CMSS1: variants seen among roughly 807,000 people sequenced by gnomAD.
CMSS1 encodes the protein cms1 ribosomal small subunit homolog, also known as protein CMSS1.
In CMSS1, 33 loss-of-function variants were observed where a neutral mutation model predicts 43.5. The observed-to-expected ratio is 0.76, with a 90% CI of 0.57 to 1.01. CMSS1 has a LOEUF of 1.01. Among genes scored for constraint, CMSS1 ranks in the 50% least tolerant of loss-of-function variants. The probability of loss-of-function intolerance (pLI) is 0.00; values close to 1 mark genes in which losing one functional copy is unlikely to be tolerated. For synonymous variants in CMSS1, 115 were observed against 117.2 expected, an observed-to-expected ratio of 0.98 and a Z score of 0.12; for missense variants, 313 against 326.4, an observed-to-expected ratio of 0.96 and a Z score of 0.32.
At chr3:99,937,473 A>G (rs1225833026) in intron 1 of CMSS1, among the ~76,000 whole-genome samples, 1 of 152,246 alleles carries the variant, frequency 6.6e-6, no homozygotes, top group Non-Finnish European at 1.5e-5. Context: ...CTTAATAGAA[A>G]GAGTATGAGA....
chr3:99,968,171 T>C (rs1289372572), intron 1 of CMSS1, among the ~76,000 whole-genome samples: 1 of 152,150 alleles, frequency 6.6e-6, no homozygotes, highest in Non-Finnish European at 1.5e-5. Flanking sequence ...ATGAGACTTC[T>C]CCTAAAGTCT....
At chr3:100,021,592 A>T (rs1019129896) in intron 1 of CMSS1, among the ~76,000 whole-genome samples, 2 of 152,166 alleles carry the variant, frequency 1.3e-5, no homozygotes, top group African/African-American at 4.8e-5. Context: ...CTGTACTGTG[A>T]CCCCATTTTA....
chr3:99,946,188 A>C (rs1390351571), intron 1 of CMSS1, among the ~76,000 whole-genome samples: 1 of 152,218 alleles, frequency 6.6e-6, no homozygotes, highest in African/African-American at 2.4e-5. Flanking sequence ...GCATTTTAAA[A>C]AATTGGGTAT....
At chr3:99,974,149 G>A (rs1708901068) in intron 1 of CMSS1, among the ~76,000 whole-genome samples, 1 of 152,180 alleles carries the variant, frequency 6.6e-6, no homozygotes, top group South Asian at 2.1e-4. Context: ...CTAATTGCTT[G>A]TAGGTATTGG....
intron 1 of CMSS1, among the ~76,000 whole-genome samples, chr3:99,835,862 G>A (rs900479670): frequency 6.6e-6 from 1 of 152,190 alleles, no homozygotes; most frequent in Non-Finnish European, 1.5e-5. Context: ...TGACACATGA[G>A]GGATGAGTAG....
chr3:99,879,688 G>A (rs1163341218), intron 1 of CMSS1, among the ~76,000 whole-genome samples: 7 of 152,184 alleles, frequency 4.6e-5, no homozygotes, highest in African/African-American at 1.7e-4. Context: ...TGCTCCCTAG[G>A]AGCTCTGCTT....
chr3:100,132,037 A>G (rs191026962), intron 1 of CMSS1, among the ~76,000 whole-genome samples: 2 of 152,340 alleles, frequency 1.3e-5, no homozygotes, highest in East Asian at 3.9e-4. Context: ...GCAATGAAAA[A>G]TGATATATTT....
intron 1 of CMSS1, among the ~76,000 whole-genome samples, chr3:100,094,674 C>CTTTT (rs71132509): frequency 3.5e-5 from 2 of 57,002 alleles, no homozygotes; most frequent in African/African-American, 6.7e-5. Flanking sequence ...GAAAAGCTGC[C>CTTTT]TTTTTTTTTT....
At chr3:99,948,753 AAAAG>A (rs755234755) in intron 1 of CMSS1, among the ~76,000 whole-genome samples, 96 of 151,080 alleles carry the variant, frequency 6.4e-4, no homozygotes, top group Non-Finnish European at 1.1e-3. Context: ...AAAAAAGAGG[AAAAG>A]GAAGGAAGGA....
chr3:100,077,378 G>C (rs1047045743), intron 1 of CMSS1, among the ~76,000 whole-genome samples: 4 of 152,208 alleles, frequency 2.6e-5, no homozygotes, highest in Non-Finnish European at 4.4e-5. Flanking sequence ...TTCACTGAGA[G>C]TGTTTCAGGA....
At chr3:100,056,669 T>G (rs1277986000) in intron 1 of CMSS1, among the ~76,000 whole-genome samples, 2 of 151,608 alleles carry the variant, frequency 1.3e-5, no homozygotes, top group Non-Finnish European at 2.9e-5. Flanking sequence ...TGCTTTGGAC[T>G]GCCACACAAC....
At chr3:99,911,195 T>G (rs1283516963) in intron 1 of CMSS1, among the ~76,000 whole-genome samples, 7 of 152,070 alleles carry the variant, frequency 4.6e-5, no homozygotes, top group African/African-American at 1.7e-4. Context: ...ATTTCTTCAA[T>G]CCTATTTGGC....
rs532181023 is a variant in CMSS1, at chr3:99,914,134, C to T, written c.64+96091C>T. On this transcript the variant is annotated intron_variant, in intron 1 of 9. Coordinates refer to ENST00000421999, the MANE Select transcript of CMSS1 (RefSeq NM_032359.4). ...TTCAACAAATCAGACTTTTCAGGAC[C>T]ATGTAGGGCCAGTACTGAGTGTTGT... Among the ~76,000 whole-genome samples, 35 of 152,270 alleles carry T rather than the reference C, an allele frequency of 2.3e-4. 1 individual carries two copies. In the South Asian group the frequency reaches 7.2e-3, roughly 32 times the overall value.
chr3:100,103,060 G>T (rs1436360695), intron 1 of CMSS1, among the ~76,000 whole-genome samples: 1 of 152,202 alleles, frequency 6.6e-6, no homozygotes, highest in Non-Finnish European at 1.5e-5. Flanking sequence ...TAAAAATGAA[G>T]CAGACCGACT....
chr3:100,008,084 A>G (rs1177133337), intron 1 of CMSS1, among the ~76,000 whole-genome samples: 2 of 152,086 alleles, frequency 1.3e-5, no homozygotes, highest in African/African-American at 2.4e-5. Flanking sequence ...CCACCTTCCT[A>G]ATGTTTTTAC....
intron 1 of CMSS1, among the ~76,000 whole-genome samples, chr3:99,983,389 A>AATATATATAT (rs397990626): frequency 4.9e-5 from 2 of 40,786 alleles, no homozygotes; most frequent in South Asian, 7.0e-4. Flanking sequence ...TAAATAAATA[A>AATATATATAT]ATATATATAT....
chr3:99,983,462 G>GTATATATA (rs1466852207), intron 1 of CMSS1, among the ~76,000 whole-genome samples: 4 of 11,986 alleles, frequency 3.3e-4, no homozygotes, highest in Admixed American at 1.0e-3. Flanking sequence ...ATATATATGT[G>GTATATATA]TGTATATATA....
intron 1 of CMSS1, among the ~76,000 whole-genome samples, chr3:100,097,127 C>A (rs1333563113): frequency 1.3e-5 from 2 of 152,168 alleles, no homozygotes; most frequent in African/African-American, 4.8e-5. Flanking sequence ...CATAGGAGCA[C>A]AAACCCTATT....
In CMSS1 at chr3:99,935,550, G is replaced by T. The variant is rs116263846; in HGVS notation, c.64+117507G>T. Among the ~76,000 whole-genome samples, 793 of 152,264 alleles carry T rather than the reference G, an allele frequency of 5.2e-3. 7 individuals carry two copies. The highest frequency in any genetic ancestry group is 0.018 in the African/African-American group (755 of 41,538). On this transcript the variant is annotated intron_variant, in intron 1 of 9. Coordinates refer to ENST00000421999, the MANE Select transcript of CMSS1 (RefSeq NM_032359.4). ...TTATAAAATGAGAATACTGGGATAGGTTGTCCCATGAGATCACTCAGGCTG... is the reference window on the plus strand; with the variant it reads ...TTATAAAATGAGAATACTGGGATAGTTTGTCCCATGAGATCACTCAGGCTG...
Sources: gnomAD v4.1 joint callset for allele counts (sites outside exome capture counted in the v4.1 genomes callset) on GRCh38, gnomAD v4.1.1 for gene constraint, MANE v1.5 for transcripts, NCBI Gene and HGNC (gene_info 2026-07-23, HGNC 2026-07-21) for gene names.